The following TRAK1 variants were observed in gnomAD, a reference collection of about 807,000 sequenced individuals.
The protein encoded by TRAK1 is trafficking kinesin protein 1.
Under a neutral mutation model 92.1 loss-of-function variants are expected in TRAK1, and 33 were observed. That is an observed-to-expected ratio of 0.36 (90% CI 0.27 to 0.48). TRAK1 has a LOEUF of 0.48. Among genes scored for constraint, TRAK1 ranks in the 20% least tolerant of loss-of-function variants. The pLI is 0.99. For missense variants in TRAK1, 1,123 were observed against 1,257.9 expected (o/e 0.89, Z 1.62); for synonymous variants, 521 against 517.3 (o/e 1.01, Z -0.10).
chr3:42,036,645 C>G (rs1702336200), intron 1 of TRAK1, among the ~76,000 whole-genome samples: 1 of 152,244 alleles, frequency 6.6e-6, no homozygotes, highest in Non-Finnish European at 1.5e-5. Context: ...TCATGTCACA[C>G]AAGGGGAAAA....
intron 1 of TRAK1, among the ~76,000 whole-genome samples, chr3:42,123,166 A>C (rs1486066138): frequency 6.6e-6 from 1 of 152,110 alleles, no homozygotes; most frequent in African/African-American, 2.4e-5. Flanking sequence ...AAGGGTGATG[A>C]GTCATAACTC....
chr3:42,183,553 T>TAAAAAAAAAAAAA (rs11293523), intron 3 of TRAK1, among the ~76,000 whole-genome samples: 10 of 117,320 alleles, frequency 8.5e-5, no homozygotes, highest in African/African-American at 2.5e-4. Flanking sequence ...AGACTCTGTC[T>TAAAAAAAAAAAAA]AAAAAAAAAA....
upstream of TRAK1, among the ~76,000 whole-genome samples, chr3:42,085,756 G>A (rs1042616335): frequency 6.6e-6 from 1 of 152,190 alleles, no homozygotes; most frequent in African/African-American, 2.4e-5. Flanking sequence ...ACGCCTCAAA[G>A]TTATTGAGCC....
Position 42,115,958 on chromosome 3 carries a change from T to C in TRAK1, c.92-9462T>C, listed in dbSNP as rs1283161830. On this transcript the variant is annotated intron_variant, in intron 1 of 15. Transcript: ENST00000327628. The stretch of plus-strand genomic sequence containing the variant: ...TCCCCTTCTGTCTTTTAGATCTGGG[T>C]CTCCTCATTTATGAAATGTGTTCCC... 3.3e-5 allele frequency among the ~76,000 whole-genome samples: 5 copies of C among 152,220 alleles called. No homozygotes were observed. The East Asian group carries it at 9.6e-4, about 29-fold the overall frequency.
intron 1 of TRAK1, among the ~76,000 whole-genome samples, chr3:42,075,920 G>T (rs1331077150): frequency 2.0e-5 from 3 of 151,990 alleles, no homozygotes; most frequent in Non-Finnish European, 4.4e-5. Flanking sequence ...TCGACTCACT[G>T]CCACCTCTGC....
At chr3:42,151,397 G>C (rs1337030845) in intron 2 of TRAK1, 1 of 456,434 alleles carries the variant, frequency 2.2e-6, no homozygotes, top group Non-Finnish European at 4.4e-6. Flanking sequence ...TAAGAGCAAA[G>C]GAAAATAGAA....
At chr3:42,157,489 A>AG (rs1700695154) in intron 2 of TRAK1, among the ~76,000 whole-genome samples, 1 of 144,724 alleles carries the variant, frequency 6.9e-6, no homozygotes, top group Non-Finnish European at 1.5e-5. Flanking sequence ...AAAAAAAAAA[A>AG]GGTTAACATT....
intron 1 of TRAK1, among the ~76,000 whole-genome samples, chr3:42,053,374 G>GA (rs1703059728): frequency 7.9e-6 from 1 of 126,286 alleles, no homozygotes; most frequent in Non-Finnish European, 1.6e-5. Flanking sequence ...TCAGAGTCGG[G>GA]TGGGGGGGGG....
intron 1 of TRAK1, among the ~76,000 whole-genome samples, chr3:42,054,990 G>A (rs1183821824): frequency 2.2e-5 from 3 of 136,956 alleles, no homozygotes; most frequent in Non-Finnish European, 4.5e-5. Context: ...GCGCGATCTG[G>A]CTTACTGCAA....
chr3:42,148,091 C>T (rs111991253), intron 2 of TRAK1, among the ~76,000 whole-genome samples: 12 of 152,242 alleles, frequency 7.9e-5, no homozygotes, highest in African/African-American at 2.6e-4. Flanking sequence ...CAGATACTTA[C>T]AGTACCTGGC....
At chr3:42,194,680 C>T in intron 9 of TRAK1, 124 bp from the exon 10 acceptor site, 1 of 1,168,752 alleles carries the variant, frequency 8.6e-7, no homozygotes, top group East Asian at 2.5e-5. Flanking sequence ...GCGCACAGGG[C>T]AGCTGGTTCC....
rs9156 is a variant in TRAK1 at position 42,225,341 on chromosome 3, C to A, written c.*1604C>A. 0.31 allele frequency: 47,215 copies of A among 152,084 alleles called. 8,215 individuals are homozygous for A. Among genetic ancestry groups the A allele is most frequent in the East Asian group, 0.52 (2,697 of 5,164 alleles). 9.4% of individuals were successfully genotyped at this position (152,084 alleles called of 1,614,324 possible). A position where few individuals can be genotyped will look rare whatever the true frequency, so the allele number is the denominator to read the frequency against. ...TGAGTGAGGGTAACCTTATGTCCAC[C>A]AAGGATACTTTGAGAAAGCCCCTAA... On this transcript the variant is annotated 3_prime_UTR_variant, in exon 16 of 16. Transcript: ENST00000327628.
At chr3:42,140,006 C>A (rs746549827) in intron 2 of TRAK1, among the ~76,000 whole-genome samples, 36 of 152,176 alleles carry the variant, frequency 2.4e-4, no homozygotes, top group Non-Finnish European at 3.4e-4. Flanking sequence ...AGACTCAGAA[C>A]CATGCAGGCC....
intron 1 of TRAK1, among the ~76,000 whole-genome samples, chr3:42,070,480 TG>T (rs1703888511): frequency 2.6e-5 from 4 of 151,914 alleles, no homozygotes; most frequent in Admixed American, 2.6e-4. Context: ...CAGGCAGGAG[TG>T]TGGTGGCGCC....
chr3:42,184,622 C>A, intron 3 of TRAK1, 63 bp from the exon 4 acceptor site: 1 of 1,497,968 alleles, frequency 6.7e-7, no homozygotes. Flanking sequence ...ACACTGAGCA[C>A]CATTGACTCC....
At chr3:42,041,649 T>C (rs1702544951) in intron 1 of TRAK1, among the ~76,000 whole-genome samples, 1 of 151,836 alleles carries the variant, frequency 6.6e-6, no homozygotes, top group African/African-American at 2.4e-5. Context: ...CGATGTTGAA[T>C]AGGAGTCGTA....
intron 1 of TRAK1, among the ~76,000 whole-genome samples, chr3:42,109,078 A>G (rs755820577): frequency 2.0e-5 from 3 of 152,114 alleles, no homozygotes; most frequent in Admixed American, 1.3e-4. Flanking sequence ...CCGGTTCACT[A>G]TTTACAGGCT....
intron 3 of TRAK1, 91 bp from the exon 4 acceptor site, chr3:42,184,594 T>G: frequency 1.6e-6 from 2 of 1,215,280 alleles, no homozygotes; most frequent in Non-Finnish European, 2.4e-6. Context: ...TTCTAGATGC[T>G]TATGTTTTCC....
chr3:42,202,400 C>T lies in TRAK1; in HGVS notation c.1428-36C>T. 1 of 1,457,920 alleles carries T rather than the reference C, an allele frequency of 6.9e-7. No homozygotes were observed. Among genetic ancestry groups the T allele is most frequent in the South Asian group, 1.6e-5 (1 of 61,582 alleles). 90.3% of individuals were successfully genotyped at this position (1,457,920 alleles called of 1,614,324 possible). A position where few individuals can be genotyped will look rare whatever the true frequency, so the allele number is the denominator to read the frequency against. On this transcript the variant is annotated intron_variant, in intron 12 of 15. Transcript: ENST00000327628. This position sits in a 1 kb window ranked among gnomAD's most constrained non-coding sequence, Gnocchi z 6.1. The stretch of plus-strand genomic sequence containing the variant: ...GGGCCTCTGTGGCCTTGGAGCCCTG[C>T]TGGCATTCCACCCTCACACCCCTTT...
Sources: allele counts gnomAD v4.1 joint callset (sites outside exome capture counted in the v4.1 genomes callset), GRCh38; gene constraint gnomAD v4.1.1; non-coding constraint Gnocchi (gnomAD v3.1); transcripts MANE v1.5; gene names NCBI Gene and HGNC (gene_info 2026-07-23, HGNC 2026-07-21).